ERICH6: variants seen among roughly 807,000 people sequenced by gnomAD.
ERICH6 encodes the protein glutamate-rich protein 6.
In ERICH6, 71 loss-of-function variants were observed where a neutral mutation model predicts 71.0. That is an observed-to-expected ratio of 1.00 (90% CI 0.83 to 1.22). The LOEUF (loss-of-function observed/expected upper bound fraction) is 1.22, where lower values mean the gene tolerates loss of function less well. Among genes scored for constraint, ERICH6 ranks in the 50% most tolerant of loss-of-function variants. ERICH6 has a pLI of 0.00. For missense variants in ERICH6, 808 were observed against 797.2 expected (o/e 1.01, Z -0.16); for synonymous variants, 262 against 278.4 (o/e 0.94, Z 0.59).
At chr3:150,688,459 G>A (rs1712287002) in intron 3 of ERICH6, among the ~76,000 whole-genome samples, 1 of 152,168 alleles carries the variant, frequency 6.6e-6, no homozygotes, top group South Asian at 2.1e-4. Context: ...ATGGAGAGAT[G>A]TCCGTGATAC....
At chr3:150,698,988 TTTG>T (rs1712759109) in intron 2 of ERICH6, 106 bp from the exon 3 acceptor site, 1 of 701,264 alleles carries the variant, frequency 1.4e-6, no homozygotes, top group Non-Finnish European at 2.4e-6. Context: ...TAGAAAATAT[TTTG>T]TTTTCTTTGA....
chr3:150,698,789 A>G lies in ERICH6; in HGVS notation c.553+2T>C, dbSNP rs1305351940. The G allele has an allele frequency of 1.2e-6, 2 of 1,611,232 alleles. No homozygotes were observed. On this transcript the variant is annotated splice_donor_variant, in intron 3 of 13. Coordinates refer to ENST00000295910, the MANE Select transcript of ERICH6 (RefSeq NM_152394.5). LOFTEE classifies it high-confidence loss of function. ...GAAAAGCTAAGAAATCAAACTACTC[A>G]CTCGATTGCACTTTATCAGACAAAT...
At chr3:150,686,200 CT>C (rs1712178651) in intron 4 of ERICH6, 97 bp downstream of exon 4, 4 of 1,435,160 alleles carry the variant, frequency 2.8e-6, no homozygotes, top group Non-Finnish European at 2.9e-6. Flanking sequence ...TAGGTGAGTC[CT>C]TTTTCAAAGC....
intron 3 of ERICH6, among the ~76,000 whole-genome samples, chr3:150,693,475 C>T (rs1252995479): frequency 6.6e-6 from 1 of 152,170 alleles, no homozygotes; most frequent in Non-Finnish European, 1.5e-5. Context: ...TATCTTGGAA[C>T]TTCAAGAGGA....
chr3:150,663,684 C>A (rs1052147927), intron 13 of ERICH6, among the ~76,000 whole-genome samples: 7 of 152,074 alleles, frequency 4.6e-5, no homozygotes, highest in African/African-American at 9.7e-5. Flanking sequence ...CACTATGTTG[C>A]CCAAGCTGGT....
chr3:150,702,701 C>A (rs1712939553), intron 1 of ERICH6, among the ~76,000 whole-genome samples: 1 of 152,048 alleles, frequency 6.6e-6, no homozygotes, highest in Non-Finnish European at 1.5e-5. Flanking sequence ...AAAGAATTAT[C>A]CAGACCAAAA....
chr3:150,696,670 A>G (rs558633896), intron 3 of ERICH6, among the ~76,000 whole-genome samples: 2 of 152,330 alleles, frequency 1.3e-5, no homozygotes, highest in Admixed American at 6.5e-5. Flanking sequence ...CCAAAAAAAC[A>G]TATTATTGGT....
At chr3:150,667,826 G>A (rs1183060448) in intron 12 of ERICH6, among the ~76,000 whole-genome samples, 1 of 152,246 alleles carries the variant, frequency 6.6e-6, no homozygotes, top group East Asian at 1.9e-4. Context: ...AAAACTAGAT[G>A]ACTTGGCCAT....
rs762175381 is a variant in ERICH6 at position 150,669,442 on chromosome 3, A to T, written c.1353T>A (p.Ser451=). The T allele has an allele frequency of 3.7e-6, 6 of 1,613,448 alleles. No individual in the cohort carries two copies. The highest frequency in any genetic ancestry group is 5.1e-6 in the Non-Finnish European group (6 of 1,179,824). ...PDGTTQIFYP[S]GNLAIIRVPN... ...GCACTCGAATGATGGCTAGGTTTCC[A>T]GATGGATAGCTGAGATCAGATAAGG... Residue 451 remains serine (S), a synonymous_variant, in exon 12 of 14, where the codon TCT becomes TCA. Transcript: ENST00000295910.
chr3:150,666,904 A>C lies in ERICH6; in HGVS notation c.1611T>G (p.Pro537=). The C allele has an allele frequency of 6.2e-7, 1 of 1,614,202 alleles. No individual in the cohort carries two copies. The highest frequency in any genetic ancestry group is 2.2e-5 in the East Asian group (1 of 44,878). ...ITSSPFVSFK[P]VFLALNRYIG... is the part of the protein sequence containing the mutation. Reference sequence around the variant, plus strand: ...TATAACGGTTCAAAGCCAGAAAGACAGGTTTAAATGAAACAAAGGGTGAGG... The same window carrying C: ...TATAACGGTTCAAAGCCAGAAAGACCGGTTTAAATGAAACAAAGGGTGAGG... Residue 537 remains proline (P), a synonymous_variant, in exon 13 of 14, where the codon CCT becomes CCG. Transcript: ENST00000295910.
chr3:150,677,804 A>T (rs1051957813), intron 10 of ERICH6, among the ~76,000 whole-genome samples: 1 of 152,100 alleles, frequency 6.6e-6, no homozygotes, highest in Non-Finnish European at 1.5e-5. Context: ...GTCTTGGAAA[A>T]TTTGTTTTTA....
intron 6 of ERICH6, among the ~76,000 whole-genome samples, chr3:150,684,792 CT>C (rs372988679): frequency 3.4e-4 from 51 of 149,146 alleles, no homozygotes; most frequent in Admixed American, 1.7e-3. Flanking sequence ...TTCTTTCTTT[CT>C]TTTTTTTTTA....
At chr3:150,681,511 T>C (rs1711935711) in intron 7 of ERICH6, among the ~76,000 whole-genome samples, 1 of 152,234 alleles carries the variant, frequency 6.6e-6, no homozygotes, top group South Asian at 2.1e-4. Flanking sequence ...TCAACATTTT[T>C]GTACAAGTTT....
At position 150,682,387 on chromosome 3, in the gene ERICH6, G is replaced by A. The variant is rs141068259; in HGVS notation, c.784-71C>T. ...CCCAGAGGCTCTGAGAGCAGCAGGA[G>A]CACGACCCTGGGCATGGTCAGTGAA... On this transcript the variant is annotated intron_variant, in intron 6 of 13. Coordinates refer to ENST00000295910, the MANE Select transcript of ERICH6 (RefSeq NM_152394.5). The A allele has an allele frequency of 3.0e-4, 343 of 1,129,552 alleles. No homozygotes were observed. The African/African-American group carries it at 4.8e-3, about 16-fold the overall frequency. 70.0% of individuals were successfully genotyped at this position (1,129,552 alleles called of 1,614,324 possible).
At position 150,666,780 on chromosome 3, in the gene ERICH6, T is replaced by C. The variant is rs747490564; in HGVS notation, c.1728+7A>G. 6 of 1,611,066 alleles carry C rather than the reference T, an allele frequency of 3.7e-6. No homozygotes were observed. The highest frequency in any genetic ancestry group is 1.7e-5 in the Admixed American group (1 of 59,620). ...ATGCTTTAAACTGTTTTTAAAAATG[T>C]ACCTACCTTCACTTTGGTTCCAACA... On this transcript the variant is annotated splice_region_variant and intron_variant, in intron 13 of 13. Transcript: ENST00000295910.
At chr3:150,665,197 T>C (rs903794771) in intron 13 of ERICH6, among the ~76,000 whole-genome samples, 1 of 152,174 alleles carries the variant, frequency 6.6e-6, no homozygotes, top group African/African-American at 2.4e-5. Flanking sequence ...GAAAAGTGCT[T>C]AGCACATTGT....
chr3:150,695,699 G>A (rs1712632391), intron 3 of ERICH6, among the ~76,000 whole-genome samples: 1 of 151,308 alleles, frequency 6.6e-6, no homozygotes, highest in African/African-American at 2.4e-5. Flanking sequence ...CCCAATGGTT[G>A]GCTACATCAA....
Position 150,703,725 on chromosome 3 carries a change from CT to C in ERICH6, c.173del (p.Glu58GlyfsTer41). 6.2e-7 allele frequency: 1 copy of C among 1,604,852 alleles called. No homozygotes were observed. Among genetic ancestry groups the C allele is most frequent in the Non-Finnish European group, 8.5e-7 (1 of 1,175,850 alleles). Reference protein sequence around the residue: ...VEEEEEEVVEEELVGEEQELE... With the variant: ...VEEEEEEVVEXELVGEEQELE... ...ACTCCTGCTCTTCCCCCACCAACTC[CT>C]CCTCCACCACCTCCTCCTCCTCCTC... On this transcript the variant is annotated frameshift_variant, in exon 1 of 14. Transcript: ENST00000295910. LOFTEE classifies it high-confidence loss of function.
In ERICH6 at chr3:150,686,311, T is replaced by C. The variant is rs1712184278; in HGVS notation, c.597A>G (p.Ala199=). Residue 199 remains alanine, a synonymous_variant, in exon 4 of 14, where the codon GCA becomes GCG. Transcript: ENST00000295910. ...ACATGTATTTACCTCTTAACTTAGA[T>C]GCCAGACATTCAGGTTCAGCTTTCT... ...SKEKAEPECL[A]SKLREKWVIN... 1 of 1,614,200 alleles carries C rather than the reference T, an allele frequency of 6.2e-7. No individual in the cohort carries two copies. The highest frequency in any genetic ancestry group is 2.2e-5 in the East Asian group (1 of 44,890).
Sources: allele counts gnomAD v4.1 joint callset (sites outside exome capture counted in the v4.1 genomes callset), GRCh38; gene constraint gnomAD v4.1.1; transcripts MANE v1.5; gene names NCBI Gene and HGNC (gene_info 2026-07-23, HGNC 2026-07-21).